REDIC1: variants seen among roughly 807,000 people sequenced by gnomAD.
REDIC1 encodes the protein HEI10 Interacting Protein 1.
At chr12:39,691,919 T>C in the REDIC1 span, 4 of 782,482 alleles carry the variant, frequency 5.1e-6, no homozygotes, top group Non-Finnish European at 7.3e-6. Flanking sequence ...GGTTTAAAAA[T>C]AAACCATGTT....
At chr12:39,756,366 G>A in the REDIC1 span, 1 of 151,882 alleles carries the variant, frequency 6.6e-6, no homozygotes, top group Admixed American at 6.6e-5. Context: ...GTCACAACAA[G>A]TGAATAAAAG....
the REDIC1 span, among the ~76,000 whole-genome samples, chr12:39,825,873 T>G: frequency 6.6e-6 from 1 of 152,162 alleles, no homozygotes; most frequent in Non-Finnish European, 1.5e-5. Context: ...ATCTGTTTAG[T>G]TATTAATTTT....
the REDIC1 span, among the ~76,000 whole-genome samples, chr12:39,875,917 G>A: frequency 6.6e-6 from 1 of 152,282 alleles, no homozygotes; most frequent in African/African-American, 2.4e-5. Context: ...TCAAGGGACT[G>A]TATTCATTCA....
At chr12:39,643,409 A>G in the REDIC1 span, among the ~76,000 whole-genome samples, 1 of 151,528 alleles carries the variant, frequency 6.6e-6, no homozygotes, top group Non-Finnish European at 1.5e-5. Context: ...AAGGTTTTCT[A>G]TGTCTGCAGA....
the REDIC1 span, among the ~76,000 whole-genome samples, chr12:39,668,533 C>T: frequency 6.6e-6 from 1 of 152,108 alleles, no homozygotes; most frequent in South Asian, 2.1e-4. Flanking sequence ...GTGAATCTGA[C>T]AATTATGTGT....
the REDIC1 span, among the ~76,000 whole-genome samples, chr12:39,827,453 G>C: frequency 6.6e-6 from 1 of 152,082 alleles, no homozygotes; most frequent in South Asian, 2.1e-4. Context: ...ATCTCACTCA[G>C]CATTAAAAAC....
the REDIC1 span, among the ~76,000 whole-genome samples, chr12:39,826,192 A>G: frequency 6.6e-6 from 1 of 151,884 alleles, no homozygotes. Context: ...GACATTCTCT[A>G]CTTTAGGTTC....
chr12:39,631,212 G>A, the REDIC1 span, among the ~76,000 whole-genome samples: 1 of 151,994 alleles, frequency 6.6e-6, no homozygotes, highest in Non-Finnish European at 1.5e-5. Flanking sequence ...TTATAAGCAG[G>A]TACTCTACAT....
chr12:39,668,632 T>A, the REDIC1 span, among the ~76,000 whole-genome samples: 1 of 152,236 alleles, frequency 6.6e-6, no homozygotes, highest in African/African-American at 2.4e-5. Context: ...TTCTCCTGGA[T>A]AATATCCTGC....
chr12:39,696,163 A>G, the REDIC1 span, among the ~76,000 whole-genome samples: 1 of 152,072 alleles, frequency 6.6e-6, no homozygotes, highest in Non-Finnish European at 1.5e-5. Context: ...ACTGCAATAA[A>G]TAGCTAACTC....
chr12:39,682,276 A>G, the REDIC1 span, among the ~76,000 whole-genome samples: 14 of 152,254 alleles, frequency 9.2e-5, no homozygotes, highest in South Asian at 1.2e-3. Flanking sequence ...TGGAACAGCA[A>G]TGACATATAG....
chr12:39,754,039 T>C, the REDIC1 span, among the ~76,000 whole-genome samples: 1 of 152,284 alleles, frequency 6.6e-6, no homozygotes, highest in South Asian at 2.1e-4. Context: ...TGCACTCTTT[T>C]ACAATGCAAG....
the REDIC1 span, among the ~76,000 whole-genome samples, chr12:39,787,976 T>C: frequency 0.95 from 145,021 of 152,216 alleles, 69,158 homozygotes; most frequent in East Asian, 0.99. Flanking sequence ...AATTCTATCA[T>C]AGAAATTTGG....
chr12:39,729,587 T>G, the REDIC1 span, among the ~76,000 whole-genome samples: 1 of 152,306 alleles, frequency 6.6e-6, no homozygotes, highest in African/African-American at 2.4e-5. Context: ...AATTATATGG[T>G]CAATTTTAGA....
chr12:39,901,278 T>C, the REDIC1 span, among the ~76,000 whole-genome samples: 18 of 152,290 alleles, frequency 1.2e-4, no homozygotes, highest in Admixed American at 1.1e-3. Flanking sequence ...GACATAGGCA[T>C]GGGCAAGGAC....
chr12:39,682,983 A>G, the REDIC1 span: 4 of 1,613,424 alleles, frequency 2.5e-6, no homozygotes, highest in South Asian at 4.4e-5. Context: ...TTACAGTTCC[A>G]GAGTTGACTT....
chr12:39,732,105 A>G, the REDIC1 span, among the ~76,000 whole-genome samples: 2 of 152,142 alleles, frequency 1.3e-5, no homozygotes, highest in African/African-American at 4.8e-5. Context: ...TACCACTCCA[A>G]TTGTGCATCC....
chr12:39,849,225 A>G, the REDIC1 span, among the ~76,000 whole-genome samples: 1 of 152,120 alleles, frequency 6.6e-6, no homozygotes, highest in Non-Finnish European at 1.5e-5. Context: ...AAGAGTCCCT[A>G]ACAGTATCTG....
chr12:39,872,652 G>A, the REDIC1 span, among the ~76,000 whole-genome samples: 1 of 152,188 alleles, frequency 6.6e-6, no homozygotes, highest in Non-Finnish European at 1.5e-5. Flanking sequence ...GTTTGTTGAT[G>A]CACAATGGAA....
Sources: allele counts gnomAD v4.1 joint callset (sites outside exome capture counted in the v4.1 genomes callset), GRCh38; gene constraint gnomAD v4.1.1; transcripts MANE v1.5; gene names NCBI Gene and HGNC (gene_info 2026-07-23, HGNC 2026-07-21).